Variants in NAALADL2 observed in about 807,000 individuals in gnomAD.
NAALADL2 encodes N-acetylated alpha-linked acidic dipeptidase like 2.
NAALADL2 carries 76 observed loss-of-function variants against 87.2 expected under a neutral mutation model. That is an observed-to-expected ratio of 0.87 (90% CI 0.72 to 1.05). The LOEUF is 1.05. NAALADL2 is among the 50% of genes least tolerant of loss of function. The probability of loss-of-function intolerance (pLI) is 0.00; values close to 1 mark genes in which losing one functional copy is unlikely to be tolerated. For synonymous variants in NAALADL2, 354 were observed against 331.0 expected, an observed-to-expected ratio of 1.07 and a Z score of -0.75; for missense variants, 1,089 against 945.8, an observed-to-expected ratio of 1.15 and a Z score of -1.99.
chr3:174,649,654 A>T (rs1025240266), intron 2 of NAALADL2, among the ~76,000 whole-genome samples: 2 of 152,158 alleles, frequency 1.3e-5, no homozygotes, highest in Non-Finnish European at 2.9e-5. Flanking sequence ...GATTTCTAAT[A>T]TTGGAAATAG....
chr3:174,751,827 A>G (rs954071160), intron 3 of NAALADL2, among the ~76,000 whole-genome samples: 3 of 151,394 alleles, frequency 2.0e-5, no homozygotes, highest in Non-Finnish European at 4.4e-5. Context: ...TGCTATTCAT[A>G]AGTGATATTG....
At chr3:175,400,936 G>C (rs1170997628) in intron 5 of NAALADL2, among the ~76,000 whole-genome samples, 1 of 152,126 alleles carries the variant, frequency 6.6e-6, no homozygotes, top group Non-Finnish European at 1.5e-5. Context: ...TCTGCTGAAG[G>C]TATGTACAGT....
At chr3:175,303,861 A>G (rs1470418174) in intron 4 of NAALADL2, among the ~76,000 whole-genome samples, 1 of 152,166 alleles carries the variant, frequency 6.6e-6, no homozygotes, top group East Asian at 1.9e-4. Context: ...TTACATTACT[A>G]GAGTCCTTTC....
intron 13 of NAALADL2, among the ~76,000 whole-genome samples, chr3:175,801,872 A>G (rs935212107): frequency 2.0e-5 from 3 of 152,084 alleles, no homozygotes; most frequent in Non-Finnish European, 2.9e-5. Flanking sequence ...CCCAAATCAA[A>G]TTTCTCCTTC....
intron 4 of NAALADL2, among the ~76,000 whole-genome samples, chr3:175,303,094 T>C (rs55729282): frequency 1.3e-5 from 2 of 152,244 alleles, no homozygotes; most frequent in Non-Finnish European, 2.9e-5. Context: ...ACACATAACA[T>C]ACACATGGCA....
At position 174,503,019 on chromosome 3, in the gene NAALADL2, C is replaced by A. The variant is rs149611441; in HGVS notation, c.-183-47550C>A. On this transcript the variant is annotated intron_variant, in intron 1 of 3. Transcript: ENST00000434257. Reference sequence around the variant, plus strand: ...CTCCATCCTGGGTGACAGAGTGATACTCCATCTGAAAAAAAAAAAAACCTC... The same window carrying A: ...CTCCATCCTGGGTGACAGAGTGATAATCCATCTGAAAAAAAAAAAAACCTC... 4.0e-3 allele frequency among the ~76,000 whole-genome samples: 586 copies of A among 147,364 alleles called. 6 individuals are homozygous for A. Among genetic ancestry groups the A allele is most frequent in the African/African-American group, 0.014 (545 of 39,492 alleles).
chr3:175,640,287 A>T (rs1046991564), intron 11 of NAALADL2, among the ~76,000 whole-genome samples: 1 of 152,154 alleles, frequency 6.6e-6, no homozygotes, highest in African/African-American at 2.4e-5. Context: ...GATGTAGAAA[A>T]GTGATTTAAG....
intron 13 of NAALADL2, among the ~76,000 whole-genome samples, chr3:175,782,715 TC>T (rs1431789869): frequency 7.4e-6 from 1 of 135,862 alleles, no homozygotes; most frequent in Non-Finnish European, 1.5e-5. Context: ...TTTAATTAGA[TC>T]CCATTTGTCA....
At position 175,382,381 on chromosome 3, in the gene NAALADL2, A is replaced by G. The variant is rs6810098; in HGVS notation, c.1090+58056A>G. Among the ~76,000 whole-genome samples, 19 of 151,912 alleles carry G rather than the reference A, an allele frequency of 1.3e-4. 1 individual carries two copies. Among genetic ancestry groups the G allele is most frequent in the African/African-American group, 3.4e-4 (14 of 41,414 alleles). ...TTTGTAGACAGGAATCTTTCTGTTT[A>G]TTTGTTTTTTTAAATATGTTTTGAG... On this transcript the variant is annotated intron_variant, in intron 5 of 13. Coordinates refer to ENST00000454872, the MANE Select transcript of NAALADL2 (RefSeq NM_207015.3).
intron 5 of NAALADL2, among the ~76,000 whole-genome samples, chr3:175,381,998 G>T (rs1183019324): frequency 6.6e-6 from 1 of 152,002 alleles, no homozygotes; most frequent in Non-Finnish European, 1.5e-5. Context: ...CCCTTCTCTG[G>T]GACTAACTGC....
intron 4 of NAALADL2, among the ~76,000 whole-genome samples, chr3:175,301,698 T>G (rs1017526823): frequency 6.6e-6 from 1 of 152,158 alleles, no homozygotes; most frequent in Non-Finnish European, 1.5e-5. Flanking sequence ...AAGTGAAAGA[T>G]GAAATTCTAC....
chr3:175,300,740 G>GATTT (rs34592647), intron 4 of NAALADL2, among the ~76,000 whole-genome samples: 50,670 of 144,508 alleles, frequency 0.35, 10,922 homozygotes, highest in Non-Finnish European at 0.46. Context: ...CCATCTCCTG[G>GATTT]ATTTATTTAT....
chr3:175,097,128 A>G lies in NAALADL2; in HGVS notation c.382A>G (p.Ile128Val), dbSNP rs751498314. 1 of 1,613,850 alleles carries G rather than the reference A, an allele frequency of 6.2e-7. No homozygotes were observed. The highest frequency in any genetic ancestry group is 1.7e-5 in the Admixed American group (1 of 59,996). ...NRCNFCHVLK[I>V]LCTATILFIF... ...CTGCAACTTTTGCCACGTCTTAAAA[A>G]TACTTTGCACAGCCACCATTTTATT... The change falls in exon 2 of 14, where the codon ATA (isoleucine) becomes GTA (valine). Residue 128 changes from isoleucine (I) to valine (V), a missense_variant. Ile to Val is a conservative substitution (Grantham distance 29). Transcript: ENST00000454872.
At chr3:174,514,106 G>GT (rs922803478) in intron 1 of NAALADL2, among the ~76,000 whole-genome samples, 9 of 148,674 alleles carry the variant, frequency 6.1e-5, no homozygotes, top group African/African-American at 2.1e-4. Flanking sequence ...AATTATCAAT[G>GT]TTTTTTTTCT....
intron 5 of NAALADL2, among the ~76,000 whole-genome samples, chr3:175,344,356 G>A (rs574542702): frequency 1.4e-4 from 21 of 151,646 alleles, no homozygotes; most frequent in African/African-American, 5.1e-4. Flanking sequence ...TACACAATAT[G>A]GTAGAAGTAG....
At chr3:174,953,323 C>T (rs1397956475) in intron 1 of NAALADL2, among the ~76,000 whole-genome samples, 3 of 90,080 alleles carry the variant, frequency 3.3e-5, no homozygotes, top group Non-Finnish European at 6.6e-5. Context: ...CCCCTCCCCT[C>T]CCCTCCCCTC....
chr3:174,677,593 C>A (rs1347717462), intron 2 of NAALADL2, among the ~76,000 whole-genome samples: 1 of 152,056 alleles, frequency 6.6e-6, no homozygotes, highest in Non-Finnish European at 1.5e-5. Context: ...AGAAATACAG[C>A]ATTTGCTTCA....
At chr3:175,780,436 T>C (rs374934422) in intron 13 of NAALADL2, among the ~76,000 whole-genome samples, 3 of 152,206 alleles carry the variant, frequency 2.0e-5, no homozygotes, top group African/African-American at 4.8e-5. Flanking sequence ...ACATAAAATA[T>C]ATACATATAT....
chr3:175,767,633 T>A (rs906622178), intron 13 of NAALADL2: 6 of 152,280 alleles, frequency 3.9e-5, no homozygotes, highest in African/African-American at 4.8e-5. Flanking sequence ...AAGGATGACA[T>A]GACAATTCAT....
Sources: gnomAD v4.1 joint callset for allele counts (sites outside exome capture counted in the v4.1 genomes callset) on GRCh38, gnomAD v4.1.1 for gene constraint, MANE v1.5 for transcripts, NCBI Gene and HGNC (gene_info 2026-07-23, HGNC 2026-07-21) for gene names.